CLSTN2: variants seen among roughly 807,000 people sequenced by gnomAD.
CLSTN2 encodes the protein calsyntenin 2, also known as calsyntenin-2.
In CLSTN2, 48 loss-of-function variants were observed where a neutral mutation model predicts 101.2. That is an observed-to-expected ratio of 0.47 (90% CI 0.38 to 0.60). CLSTN2 has a LOEUF of 0.60. CLSTN2 is among the 20% of genes least tolerant of loss of function. The pLI is 0.00. For missense variants in CLSTN2, 1,160 were observed against 1,238.2 expected, an observed-to-expected ratio of 0.94 and a Z score of 0.95; for synonymous variants, 481 against 463.6, an observed-to-expected ratio of 1.04 and a Z score of -0.48.
At chr3:140,433,635 T>C (rs1389726322) in intron 5 of CLSTN2, among the ~76,000 whole-genome samples, 1 of 152,178 alleles carries the variant, frequency 6.6e-6, no homozygotes, top group African/African-American at 2.4e-5. Context: ...TCAAGGACAT[T>C]GGATAAGTCA....
chr3:140,311,093 G>C (rs972168312), intron 2 of CLSTN2, among the ~76,000 whole-genome samples: 1 of 152,118 alleles, frequency 6.6e-6, no homozygotes, highest in Non-Finnish European at 1.5e-5. Flanking sequence ...AGGTGAGCCA[G>C]ATTGGGCAGT....
chr3:140,277,105 AG>A (rs2086802495), intron 2 of CLSTN2, among the ~76,000 whole-genome samples: 1 of 152,256 alleles, frequency 6.6e-6, no homozygotes, highest in South Asian at 2.1e-4. Context: ...ATTGGATTAC[AG>A]TAAGTCATAG....
chr3:140,055,961 A>G (rs945596115), intron 1 of CLSTN2, among the ~76,000 whole-genome samples: 4 of 152,240 alleles, frequency 2.6e-5, no homozygotes, highest in Non-Finnish European at 5.9e-5. Context: ...AATGGCACTC[A>G]TCATTGATAT....
chr3:140,120,843 A>G (rs1170121933), intron 1 of CLSTN2, among the ~76,000 whole-genome samples: 1 of 152,124 alleles, frequency 6.6e-6, no homozygotes, highest in East Asian at 1.9e-4. Flanking sequence ...ATTTCTCCCT[A>G]TAGAGGACTG....
chr3:140,028,270 G>A (rs1451920525), intron 1 of CLSTN2, among the ~76,000 whole-genome samples: 1 of 152,150 alleles, frequency 6.6e-6, no homozygotes, highest in Non-Finnish European at 1.5e-5. Flanking sequence ...CAAGTGGCAG[G>A]CATGCACAGG....
At chr3:140,509,235 A>G (rs1189484119) in intron 8 of CLSTN2, among the ~76,000 whole-genome samples, 1 of 152,310 alleles carries the variant, frequency 6.6e-6, no homozygotes, top group Admixed American at 6.5e-5. Context: ...ATGTGGTCCA[A>G]AAATTTGGTA....
chr3:140,360,498 C>T (rs2087718914), intron 2 of CLSTN2, among the ~76,000 whole-genome samples: 1 of 152,152 alleles, frequency 6.6e-6, no homozygotes, highest in Admixed American at 6.5e-5. Context: ...TGAATAGAAA[C>T]TCAGATGACT....
chr3:140,171,841 A>AATATATATATTATATAATAACAAT lies in CLSTN2; in HGVS notation c.110-4105_110-4104insTATATTATATAATAACAATATATA, dbSNP rs1559797434. On this transcript the variant is annotated intron_variant, in intron 1 of 16. Transcript: ENST00000458420. ...TATATTATATATAATAACAATATAT[A>AATATATATATTATATAATAACAAT]ATATAATATATATATTATATAATAA... 1.3e-3 allele frequency among the ~76,000 whole-genome samples: 121 copies of AATATATATATTATATAATAACAAT among 91,958 alleles called. 2 individuals carry two copies. Among genetic ancestry groups the AATATATATATTATATAATAACAAT allele is most frequent in the South Asian group, 3.8e-3 (14 of 3,650 alleles). The allele number at this position is 91,958 out of a possible 152,430, so 60.3% of individuals were successfully genotyped here. A position where few individuals can be genotyped will look rare whatever the true frequency, so the allele number is the denominator to read the frequency against.
At chr3:140,023,792 C>T (rs988941736) in intron 1 of CLSTN2, among the ~76,000 whole-genome samples, 28 of 152,312 alleles carry the variant, frequency 1.8e-4, no homozygotes, top group Non-Finnish European at 3.5e-4. Flanking sequence ...CTCCCCGCTT[C>T]GCTCACCCAG....
rs956265749 is a variant in CLSTN2 at position 140,573,988 on chromosome 3, C to T, written c.*7735C>T. On this transcript the variant is annotated 3_prime_UTR_variant, in exon 17 of 17. Transcript: ENST00000458420. ...GCCATGTGAGACTAGTATAGATCTC[C>T]AACTATTGCTGCCTCTGCTGATATG... The T allele has an allele frequency of 1.3e-5, 2 of 152,080 alleles. No individual in the cohort carries two copies. Among genetic ancestry groups the T allele is most frequent in the Admixed American group, 1.3e-4 (2 of 15,272 alleles). 9.4% of individuals were successfully genotyped at this position (152,080 alleles called of 1,614,324 possible).
chr3:140,132,752 AG>A (rs1232944862), intron 1 of CLSTN2, among the ~76,000 whole-genome samples: 8 of 152,326 alleles, frequency 5.3e-5, no homozygotes, highest in African/African-American at 1.9e-4. Flanking sequence ...TTCTTGCAAA[AG>A]CAACTCAACT....
intron 1 of CLSTN2, among the ~76,000 whole-genome samples, chr3:140,082,597 C>A (rs574994293): frequency 6.6e-6 from 1 of 152,296 alleles, no homozygotes; most frequent in East Asian, 1.9e-4. Flanking sequence ...CCCATACACC[C>A]CTCCAAACAG....
intron 9 of CLSTN2, among the ~76,000 whole-genome samples, chr3:140,533,500 G>A (rs948802812): frequency 6.6e-6 from 1 of 152,046 alleles, no homozygotes; most frequent in African/African-American, 2.4e-5. Context: ...ACGAGGTCAG[G>A]AGATCGAGAC....
At chr3:140,343,538 G>A (rs978079428) in intron 2 of CLSTN2, among the ~76,000 whole-genome samples, 15 of 152,204 alleles carry the variant, frequency 9.9e-5, no homozygotes, top group African/African-American at 3.4e-4. Flanking sequence ...GACTATCAAT[G>A]CAGTGCATAA....
At chr3:140,453,077 G>T (rs1329767929) in intron 6 of CLSTN2, 2 of 152,178 alleles carry the variant, frequency 1.3e-5, no homozygotes, top group Non-Finnish European at 2.9e-5. Flanking sequence ...CCAAGAAAAG[G>T]TCCACTTTGA....
chr3:140,250,231 C>G (rs1437486831), intron 2 of CLSTN2, among the ~76,000 whole-genome samples: 5 of 152,176 alleles, frequency 3.3e-5, no homozygotes, highest in Non-Finnish European at 5.9e-5. Flanking sequence ...TCACTCAGCA[C>G]AAGTTCACTG....
intron 1 of CLSTN2, among the ~76,000 whole-genome samples, chr3:139,950,792 C>G (rs1440061263): frequency 6.6e-6 from 1 of 152,178 alleles, no homozygotes; most frequent in Non-Finnish European, 1.5e-5. Flanking sequence ...TGTATTTCAA[C>G]AAATGCTTGG....
intron 8 of CLSTN2, among the ~76,000 whole-genome samples, chr3:140,469,803 G>A (rs1933793951): frequency 6.6e-6 from 1 of 152,200 alleles, no homozygotes; most frequent in Non-Finnish European, 1.5e-5. Flanking sequence ...AGGGAGAGAT[G>A]AAGTGAGGCA....
chr3:140,489,622 A>G (rs1934303828), intron 8 of CLSTN2, among the ~76,000 whole-genome samples: 1 of 152,014 alleles, frequency 6.6e-6, no homozygotes, highest in South Asian at 2.1e-4. Flanking sequence ...TTAAACACCC[A>G]CCACACCCCG....
Sources: gnomAD v4.1 joint callset for allele counts (sites outside exome capture counted in the v4.1 genomes callset) on GRCh38, gnomAD v4.1.1 for gene constraint, MANE v1.5 for transcripts, NCBI Gene and HGNC (gene_info 2026-07-23, HGNC 2026-07-21) for gene names.